Variants in NAV3 observed in about 807,000 individuals in gnomAD.
The protein encoded by NAV3 is neuron navigator 3.
In NAV3, 87 loss-of-function variants were observed where a neutral mutation model predicts 244.7. The ratio of observed to expected loss-of-function variants is 0.36; its 90% CI spans 0.30 to 0.42. NAV3 has a LOEUF of 0.42. NAV3 is among the 20% of genes least tolerant of loss of function. The probability of loss-of-function intolerance (pLI) is 1.00; values close to 1 mark genes in which losing one functional copy is unlikely to be tolerated. For synonymous variants in NAV3, 1,126 were observed against 1,042.2 expected (o/e 1.08, Z -1.55); for missense variants, 2,663 against 2,893.3 (o/e 0.92, Z 1.83).
intron 18 of NAV3, among the ~76,000 whole-genome samples, chr12:78,131,957 T>C (rs1387572536): frequency 2.6e-5 from 4 of 152,186 alleles, no homozygotes; most frequent in Admixed American, 6.5e-5. Flanking sequence ...CAGGATTTTA[T>C]GTAAAAGACA....
chr12:77,961,358 A>G (rs186066970), intron 3 of NAV3, among the ~76,000 whole-genome samples: 3 of 142,064 alleles, frequency 2.1e-5, no homozygotes, highest in East Asian at 2.1e-4. Context: ...ATATACATAT[A>G]TGTAATATAA....
chr12:77,998,534 G>A (rs1227948275), intron 7 of NAV3, 58 bp downstream of exon 7: 7 of 1,489,980 alleles, frequency 4.7e-6, no homozygotes, highest in African/African-American at 2.9e-5. Context: ...TGAATTGCAT[G>A]CTAAATCTAA....
rs115292556 is a variant in NAV3, at chr12:77,947,001, C to T, written c.414+5868C>T. On this transcript the variant is annotated intron_variant, in intron 3 of 39. Coordinates refer to ENST00000397909, the MANE Select transcript of NAV3 (RefSeq NM_001024383.2). ...ATGTATTTCACAGCTTGTCCTTCCT[C>T]TTTCTTGGCTCTGTTTTGTCGTAAT... Among the ~76,000 whole-genome samples the T allele has an allele frequency of 4.0e-3, 602 of 152,222 alleles. 5 individuals are homozygous for T. The highest frequency in any genetic ancestry group is 0.014 in the African/African-American group (589 of 41,560).
At chr12:77,785,425 C>T (rs1870859467) in intron 2 of NAV3, among the ~76,000 whole-genome samples, 1 of 151,974 alleles carries the variant, frequency 6.6e-6, no homozygotes, top group Non-Finnish European at 1.5e-5. Flanking sequence ...TGTAAAAGAG[C>T]TTGGATGTTA....
chr12:77,873,744 G>GTGTGTATATATATATATATA (rs776225440), intron 1 of NAV3, among the ~76,000 whole-genome samples: 852 of 72,800 alleles, frequency 0.012, 39 homozygotes, highest in Non-Finnish European at 0.018. Context: ...ATGTGTGTGT[G>GTGTGTATATATATATATATA]TATATATATA....
chr12:78,205,033 A>G lies in NAV3; in HGVS notation c.6933A>G (p.Leu2311=). The change falls in exon 39 of 40, where the codon TTA becomes TTG. Residue 2311 remains leucine, a synonymous_variant. Transcript: ENST00000397909. ...CTCTGCCTCAGGAGAGCCCAGCCTT[A>G]CTTCAGCTGCGACCAGAAGATGTTG... is the stretch of plus-strand genomic sequence containing the variant. ...SATLPQESPA[L]LQLRPEDVGY... The G allele has an allele frequency of 6.2e-7, 1 of 1,613,620 alleles. No individual in the cohort carries two copies. Among genetic ancestry groups the G allele is most frequent in the Non-Finnish European group, 8.5e-7 (1 of 1,179,784 alleles).
At chr12:77,954,155 A>G (rs919328258) in intron 3 of NAV3, among the ~76,000 whole-genome samples, 4 of 152,212 alleles carry the variant, frequency 2.6e-5, no homozygotes, top group Non-Finnish European at 5.9e-5. Context: ...ATATACAAGT[A>G]GTTAAACTTG....
At chr12:78,191,388 C>A (rs1177081508) in intron 34 of NAV3, among the ~76,000 whole-genome samples, 1 of 151,956 alleles carries the variant, frequency 6.6e-6, no homozygotes, top group Non-Finnish European at 1.5e-5. Flanking sequence ...CCCTTGGCTC[C>A]CAGTGAAGAT....
At chr12:78,062,072 C>T (rs1422555150) in intron 12 of NAV3, among the ~76,000 whole-genome samples, 1 of 152,124 alleles carries the variant, frequency 6.6e-6, no homozygotes, top group African/African-American at 2.4e-5. Context: ...GCTCCTGCAG[C>T]ATGCCGTTGA....
intron 8 of NAV3, among the ~76,000 whole-genome samples, chr12:78,017,925 T>C (rs1012872950): frequency 1.3e-5 from 2 of 152,156 alleles, no homozygotes; most frequent in African/African-American, 4.8e-5. Flanking sequence ...AATTTTGCCA[T>C]AACAAATTAT....
intron 12 of NAV3, among the ~76,000 whole-genome samples, chr12:78,104,658 G>T (rs894173451): frequency 6.6e-6 from 1 of 151,986 alleles, no homozygotes; most frequent in South Asian, 2.1e-4. Flanking sequence ...CAGCAGTTTC[G>T]CTAGCTACAT....
chr12:78,116,966 A>G (rs2138525079), intron 13 of NAV3, 62 bp downstream of exon 13: 1 of 1,582,990 alleles, frequency 6.3e-7, no homozygotes, highest in Non-Finnish European at 8.6e-7. Context: ...AAATTACTTA[A>G]TATTAGATTA....
intron 12 of NAV3, among the ~76,000 whole-genome samples, chr12:78,072,885 C>A (rs300423): frequency 4.1e-5 from 4 of 96,600 alleles, no homozygotes; most frequent in African/African-American, 1.2e-4. Context: ...GTTCAATATA[C>A]GCAAATCAAT....
chr12:78,127,319 G>A (rs983004042), intron 17 of NAV3, 111 bp downstream of exon 17: 42 of 1,071,122 alleles, frequency 3.9e-5, no homozygotes, highest in Admixed American at 1.3e-4. Context: ...CATTGAGGAC[G>A]AAATCACTTT....
chr12:77,716,630 C>T (rs1876374651), intron 2 of NAV3, among the ~76,000 whole-genome samples: 1 of 151,536 alleles, frequency 6.6e-6, no homozygotes, highest in African/African-American at 2.4e-5. Flanking sequence ...TATTTTCTTG[C>T]CCAGGATCTC....
intron 2 of NAV3, among the ~76,000 whole-genome samples, chr12:77,658,535 A>C (rs561982769): frequency 6.6e-6 from 1 of 151,734 alleles, no homozygotes; most frequent in East Asian, 1.9e-4. Context: ...CATACTGCCC[A>C]AGGTAATGTA....
At chr12:78,199,077 G>A in intron 36 of NAV3, 1 of 591,594 alleles carries the variant, frequency 1.7e-6, no homozygotes, top group South Asian at 1.5e-5. Flanking sequence ...AGAGTGATCA[G>A]CATTTAGACT....
chr12:77,774,714 C>T (rs1870262070), intron 2 of NAV3, among the ~76,000 whole-genome samples: 1 of 152,212 alleles, frequency 6.6e-6, no homozygotes, highest in Non-Finnish European at 1.5e-5. Context: ...CAGATGAGCA[C>T]TTTGCCACCC....
At chr12:77,789,766 T>C (rs142547114) in intron 2 of NAV3, among the ~76,000 whole-genome samples, 2,911 of 137,930 alleles carry the variant, frequency 0.021, 88 homozygotes, top group African/African-American at 0.072. Flanking sequence ...GCTGAGATCG[T>C]GCCATTGCAC....
Sources: gnomAD v4.1 joint callset for allele counts (sites outside exome capture counted in the v4.1 genomes callset) on GRCh38, gnomAD v4.1.1 for gene constraint, MANE v1.5 for transcripts, NCBI Gene and HGNC (gene_info 2026-07-23, HGNC 2026-07-21) for gene names.